ZBTB7C: variants seen among roughly 807,000 people sequenced by gnomAD.
ZBTB7C encodes zinc finger and BTB domain containing 7C.
In ZBTB7C, 8 loss-of-function variants were observed where a neutral mutation model predicts 25.7. That is an observed-to-expected ratio of 0.31 (90% CI 0.18 to 0.56). ZBTB7C has a LOEUF of 0.56. Ranked by LOEUF, ZBTB7C falls within the 20% of genes least tolerant of loss-of-function variation. ZBTB7C has a pLI of 0.91. For synonymous variants in ZBTB7C, 394 were observed against 369.0 expected (o/e 1.07, Z -0.78); for missense variants, 824 against 855.2 (o/e 0.96, Z 0.46).
At chr18:48,293,768 A>C (rs1170710120) in intron 2 of ZBTB7C, among the ~76,000 whole-genome samples, 1 of 152,074 alleles carries the variant, frequency 6.6e-6, no homozygotes, top group East Asian at 1.9e-4. Flanking sequence ...ACATTAGCAC[A>C]CTTTTCAACC....
chr18:48,272,701 A>G (rs2044529104), intron 2 of ZBTB7C, among the ~76,000 whole-genome samples: 1 of 152,196 alleles, frequency 6.6e-6, no homozygotes. Flanking sequence ...AAACTTGCAC[A>G]CTTATGTTCA....
chr18:48,366,276 T>G (rs951337113), intron 1 of ZBTB7C, among the ~76,000 whole-genome samples: 2 of 152,172 alleles, frequency 1.3e-5, no homozygotes, highest in Non-Finnish European at 2.9e-5. Flanking sequence ...TCAGGAATTA[T>G]CTGAAAAAAG....
At chr18:48,293,233 G>A (rs567805763) in intron 2 of ZBTB7C, among the ~76,000 whole-genome samples, 10 of 152,188 alleles carry the variant, frequency 6.6e-5, no homozygotes, top group East Asian at 1.9e-4. Context: ...GCTGATTTCC[G>A]TTACTGCTCA....
At chr18:48,159,644 C>T (rs1001081088) in intron 3 of ZBTB7C, among the ~76,000 whole-genome samples, 6 of 152,252 alleles carry the variant, frequency 3.9e-5, no homozygotes, top group African/African-American at 1.4e-4. Flanking sequence ...ACTTCTACTA[C>T]ATGCAAAATA....
chr18:48,119,679 C>T (rs1459744921), intron 3 of ZBTB7C, among the ~76,000 whole-genome samples: 1 of 152,210 alleles, frequency 6.6e-6, no homozygotes, highest in East Asian at 1.9e-4. Context: ...TGGGCCCAGA[C>T]AGCTTGCTTA....
chr18:48,264,420 C>A (rs2044254573), intron 2 of ZBTB7C, among the ~76,000 whole-genome samples: 1 of 152,212 alleles, frequency 6.6e-6, no homozygotes, highest in Admixed American at 6.5e-5. Context: ...CTCACAGATG[C>A]AGCTAGGCTT....
Position 48,055,302 on chromosome 18 carries a change from C to T in ZBTB7C, c.-16-14179G>A, listed in dbSNP as rs548535193. On this transcript the variant is annotated intron_variant, in intron 3 of 4. Transcript: ENST00000590800. ...GCAGGTGCATATAATCCCAGCTACT[C>T]GGAAGGCTGAGGCAGGAGAATCGCT... is the stretch of plus-strand genomic sequence containing the variant. 1.5e-4 allele frequency among the ~76,000 whole-genome samples: 22 copies of T among 150,018 alleles called. No homozygotes were observed. The East Asian group carries it at 3.2e-3, about 22-fold the overall frequency.
chr18:48,076,629 G>C (rs1417272673), intron 3 of ZBTB7C, among the ~76,000 whole-genome samples: 1 of 152,216 alleles, frequency 6.6e-6, no homozygotes, highest in African/African-American at 2.4e-5. Flanking sequence ...AAGCAGAGAA[G>C]ATGCAAGAAC....
At chr18:48,228,497 C>T (rs1351570142) in intron 2 of ZBTB7C, among the ~76,000 whole-genome samples, 1 of 152,100 alleles carries the variant, frequency 6.6e-6, no homozygotes, top group Admixed American at 6.5e-5. Context: ...CTCTCTGTCT[C>T]TCACCCCTGC....
intron 2 of ZBTB7C, among the ~76,000 whole-genome samples, chr18:48,253,121 G>A (rs2043917518): frequency 6.6e-6 from 1 of 152,066 alleles, no homozygotes; most frequent in East Asian, 1.9e-4. Context: ...AGGATGGATA[G>A]GATTCACTCA....
chr18:48,210,369 G>T (rs2042674918), intron 2 of ZBTB7C, among the ~76,000 whole-genome samples: 1 of 152,176 alleles, frequency 6.6e-6, no homozygotes, highest in Non-Finnish European at 1.5e-5. Flanking sequence ...GAACTTCACA[G>T]CAGAATTATT....
upstream of ZBTB7C, chr18:48,410,813 GT>G (rs1205781591): frequency 2.5e-4 from 38 of 152,368 alleles, no homozygotes; most frequent in African/African-American, 8.7e-4. Context: ...GGGAAAGTTT[GT>G]CGTCCTCAAA....
At chr18:48,104,369 G>A (rs556472725) in intron 3 of ZBTB7C, among the ~76,000 whole-genome samples, 155 of 152,216 alleles carry the variant, frequency 1.0e-3, no homozygotes, top group African/African-American at 3.6e-3. Context: ...ACCATGAGTG[G>A]AAGTTTCCTG....
intron 2 of ZBTB7C, among the ~76,000 whole-genome samples, chr18:48,305,143 C>A (rs556319527): frequency 6.6e-6 from 1 of 152,070 alleles, no homozygotes; most frequent in Admixed American, 6.5e-5. Context: ...TCCAGGCCTG[C>A]GAGACCTCCA....
intron 3 of ZBTB7C, among the ~76,000 whole-genome samples, chr18:48,061,847 CT>C (rs1162983251): frequency 7.9e-5 from 12 of 152,158 alleles, no homozygotes; most frequent in African/African-American, 1.7e-4. Flanking sequence ...TGTTGAGTGA[CT>C]TGCTGAGCAC....
At chr18:48,346,636 G>T (rs1052377204) in intron 1 of ZBTB7C, 1 of 152,222 alleles carries the variant, frequency 6.6e-6, no homozygotes, top group Non-Finnish European at 1.5e-5. Context: ...GTCACTGGGC[G>T]CTGCTTCCTT....
chr18:48,372,700 G>T (rs1364244919), intron 1 of ZBTB7C, among the ~76,000 whole-genome samples: 1 of 152,102 alleles, frequency 6.6e-6, no homozygotes, highest in African/African-American at 2.4e-5. Flanking sequence ...TTAATGGTCT[G>T]CCCAGCCTCC....
chr18:48,147,511 T>C (rs925157729), intron 3 of ZBTB7C: 1 of 152,202 alleles, frequency 6.6e-6, no homozygotes, highest in Non-Finnish European at 1.5e-5. Context: ...TGGGACTGAA[T>C]GAACTGATGA....
chr18:48,160,935 G>GTTTTT (rs59824886), intron 3 of ZBTB7C, among the ~76,000 whole-genome samples: 2,226 of 136,772 alleles, frequency 0.016, 78 homozygotes, highest in African/African-American at 0.059. Flanking sequence ...TTTGAGACAA[G>GTTTTT]TTTTTTTTTT....
Sources: allele counts gnomAD v4.1 joint callset (sites outside exome capture counted in the v4.1 genomes callset), GRCh38; gene constraint gnomAD v4.1.1; transcripts MANE v1.5; gene names NCBI Gene and HGNC (gene_info 2026-07-23, HGNC 2026-07-21).